TMPRSS6: variants seen among roughly 807,000 people sequenced by gnomAD.
TMPRSS6 encodes the protein transmembrane protease serine 6.
Under a neutral mutation model 101.5 loss-of-function variants are expected in TMPRSS6, and 67 were observed. The ratio of observed to expected loss-of-function variants is 0.66; its 90% confidence interval spans 0.54 to 0.81. The LOEUF (loss-of-function observed/expected upper bound fraction) is 0.81. Ranked by LOEUF, TMPRSS6 falls within the 30% of genes least tolerant of loss-of-function variation. TMPRSS6 has a pLI of 0.00. For missense variants in TMPRSS6, 1,034 were observed against 1,088.7 expected (o/e 0.95, Z 0.71); for synonymous variants, 453 against 464.9 (o/e 0.97, Z 0.33).
rs1324002016 is a variant in TMPRSS6, at chr22:37,098,623, C to T, written c.203-74G>A. 3 of 1,607,812 alleles carry T rather than the reference C, an allele frequency of 1.9e-6. No individual in the cohort carries two copies. The African/African-American group carries it at 4.0e-5, about 21-fold the overall frequency. ...GTCTCCTGTCTCTTCCATGCCTTCT[C>T]CTGCCACCCACACCCTCAGCTCAGC... On this transcript the variant is annotated intron_variant, in intron 2 of 17. Coordinates refer to ENST00000676104, the MANE Select transcript of TMPRSS6 (RefSeq NM_001374504.1).
At chr22:37,097,552 C>T (rs927730997) in intron 3 of TMPRSS6, among the ~76,000 whole-genome samples, 1 of 152,256 alleles carries the variant, frequency 6.6e-6, no homozygotes. Flanking sequence ...AACTCCCCGG[C>T]ACTTCTGGCC....
intron 10 of TMPRSS6, chr22:37,084,012 G>A (rs1928468430): frequency 1.8e-6 from 1 of 564,550 alleles, no homozygotes; most frequent in East Asian, 2.8e-5. Context: ...AAGAAGATGA[G>A]ACAATTTTGC....
intron 3 of TMPRSS6, among the ~76,000 whole-genome samples, chr22:37,097,013 C>T (rs1384593701): frequency 6.6e-6 from 1 of 152,216 alleles, no homozygotes; most frequent in Non-Finnish European, 1.5e-5. Flanking sequence ...AAACCCCACT[C>T]GGCTCCTGGG....
chr22:37,075,999 G>A (rs1158584582), intron 10 of TMPRSS6, among the ~76,000 whole-genome samples: 2 of 143,454 alleles, frequency 1.4e-5, no homozygotes, highest in Admixed American at 1.4e-4. Flanking sequence ...GAGAAAGAAA[G>A]GAAGAAAGAA....
At chr22:37,089,244 C>T (rs559329371) in intron 7 of TMPRSS6, among the ~76,000 whole-genome samples, 17 of 152,210 alleles carry the variant, frequency 1.1e-4, no homozygotes, top group South Asian at 8.3e-4. Context: ...GATTTAGGAA[C>T]GAGCCCAGAG....
At position 37,065,920 on chromosome 22, in the gene TMPRSS6, C is replaced by T; in HGVS notation, c.*160G>A. 2.2e-6 allele frequency: 2 copies of T among 924,474 alleles called. No homozygotes were observed. The highest frequency in any genetic ancestry group is 2.2e-5 in the Admixed American group (1 of 45,816). The allele number at this position is 924,474 out of a possible 1,614,324, so 57.3% of individuals were successfully genotyped here. A position where few individuals can be genotyped will look rare whatever the true frequency, so the allele number is the denominator to read the frequency against. On this transcript the variant is annotated 3_prime_UTR_variant, in exon 18 of 18. Coordinates refer to ENST00000676104, the MANE Select transcript of TMPRSS6 (RefSeq NM_001374504.1). ...GCACTTCTCCATCCTCCTGCCATCA[C>T]TGGAGCAGACATCAGGGACGAGACA...
intron 13 of TMPRSS6, among the ~76,000 whole-genome samples, 187 bp from the exon 14 acceptor site, chr22:37,071,219 A>G (rs1289432164): frequency 7.2e-6 from 1 of 138,320 alleles, no homozygotes; most frequent in Non-Finnish European, 1.6e-5. Flanking sequence ...CAGCCCCTCC[A>G]CTCAGACTGG....
At position 37,103,710 on chromosome 22, in the gene TMPRSS6, C is replaced by T. The variant is rs1930531315; in HGVS notation, c.-1-292G>A. On this transcript the variant is annotated intron_variant, in intron 1 of 17. Coordinates refer to ENST00000676104, the MANE Select transcript of TMPRSS6 (RefSeq NM_001374504.1). The surrounding 1 kb of genome is among the most constrained non-coding windows in gnomAD (Gnocchi z 4.4). ...ATGGTCAGAGGACAGACGGAGGTCT[C>T]AGTACCTAAACACCCACCTCCCTAG... 2.2e-6 allele frequency: 2 copies of T among 920,412 alleles called. No homozygotes were observed. Among genetic ancestry groups the T allele is most frequent in the South Asian group, 1.4e-5 (1 of 71,802 alleles). 57.0% of individuals were successfully genotyped at this position (920,412 alleles called of 1,614,324 possible). A position where few individuals can be genotyped will look rare whatever the true frequency, so the allele number is the denominator to read the frequency against.
In TMPRSS6 at chr22:37,098,415, C is replaced by T; in HGVS notation, c.336+1G>A. 1 of 1,613,942 alleles carries T rather than the reference C, an allele frequency of 6.2e-7. No homozygotes were observed. Among genetic ancestry groups the T allele is most frequent in the Non-Finnish European group, 8.5e-7 (1 of 1,179,942 alleles). On this transcript the variant is annotated splice_donor_variant, in intron 3 of 17. Transcript: ENST00000676104. LOFTEE classifies it high-confidence loss of function. Reference sequence around the variant, plus strand: ...CTCTCATCCCCCAGATCCTTTCCTACCATCTTCTGGGCTTTGGCGGTTTCA... The same window carrying T: ...CTCTCATCCCCCAGATCCTTTCCTATCATCTTCTGGGCTTTGGCGGTTTCA...
At chr22:37,109,811 G>T (rs983448378), upstream of TMPRSS6, among the ~76,000 whole-genome samples, 8 of 152,228 alleles carry the variant, frequency 5.3e-5, no homozygotes, top group African/African-American at 9.6e-5. Flanking sequence ...TGGCAGGCAG[G>T]TGCGGGAGAT....
At chr22:37,098,134 G>A (rs920353578) in intron 3 of TMPRSS6, among the ~76,000 whole-genome samples, 2 of 151,998 alleles carry the variant, frequency 1.3e-5, no homozygotes, top group Admixed American at 6.5e-5. Flanking sequence ...GGGCAGGAGC[G>A]GGCCCTCAAT....
intron 15 of TMPRSS6, among the ~76,000 whole-genome samples, chr22:37,070,081 C>G (rs547764342): frequency 6.6e-6 from 1 of 152,096 alleles, no homozygotes; most frequent in Non-Finnish European, 1.5e-5. Context: ...CCCCTGGGGG[C>G]TCCCCAGCCC....
At chr22:37,086,930 G>A (rs936022548) in intron 7 of TMPRSS6, among the ~76,000 whole-genome samples, 9 of 152,166 alleles carry the variant, frequency 5.9e-5, no homozygotes, top group Admixed American at 3.9e-4. Context: ...TGGGAGGCTC[G>A]GAACAAATAA....
Position 37,095,539 on chromosome 22 carries a change from A to G in TMPRSS6, c.631+12T>C, listed in dbSNP as rs1929666601. The G allele has an allele frequency of 6.2e-7, 1 of 1,613,288 alleles. No homozygotes were observed. Among genetic ancestry groups the G allele is most frequent in the Non-Finnish European group, 8.5e-7 (1 of 1,179,878 alleles). Reference sequence around the variant, plus strand: ...AAAAGGAAAATGGGGAGGGGAAAAAAAAATAGCGTACCCAGCGTGGAATTC... The same window carrying G: ...AAAAGGAAAATGGGGAGGGGAAAAAGAAATAGCGTACCCAGCGTGGAATTC... On this transcript the variant is annotated intron_variant, in intron 6 of 17. Coordinates refer to ENST00000676104, the MANE Select transcript of TMPRSS6 (RefSeq NM_001374504.1).
intron 1 of TMPRSS6, among the ~76,000 whole-genome samples, chr22:37,108,015 A>C (rs1190925147): frequency 6.6e-6 from 1 of 152,192 alleles, no homozygotes; most frequent in Non-Finnish European, 1.5e-5. Flanking sequence ...TCCCTACAGA[A>C]GTCCAAGGTG....
At chr22:37,072,641 CGGATGGAT>C (rs1927175582) in intron 13 of TMPRSS6, among the ~76,000 whole-genome samples, 1 of 42,246 alleles carries the variant, frequency 2.4e-5, no homozygotes, top group Non-Finnish European at 4.6e-5. Context: ...GGATGATGGA[CGGATGGAT>C]GATGGATGGA....
intron 14 of TMPRSS6, 45 bp downstream of exon 14, chr22:37,070,871 C>A (rs200558667): frequency 4.4e-6 from 7 of 1,577,904 alleles, no homozygotes; most frequent in Admixed American, 1.7e-5. Flanking sequence ...GTGGGCACCC[C>A]CTCCCTCCCA....
In TMPRSS6 at chr22:37,073,072, T is replaced by C. The variant is rs548953755; in HGVS notation, c.1555+460A>G. Among the ~76,000 whole-genome samples, 8 of 130,744 alleles carry C rather than the reference T, an allele frequency of 6.1e-5. No homozygotes were observed. In the East Asian group the frequency reaches 2.0e-3, roughly 33 times the overall value. 85.8% of individuals were successfully genotyped at this position (130,744 alleles called of 152,430 possible). A position where few individuals can be genotyped will look rare whatever the true frequency, so the allele number is the denominator to read the frequency against. ...GGTGGATGGATGGATGATGGATGGA[T>C]GGATGGATGGATAGACGGATGATGG... is the stretch of plus-strand genomic sequence containing the variant. On this transcript the variant is annotated intron_variant, in intron 13 of 17. Transcript: ENST00000676104.
At position 37,069,325 on chromosome 22, in the gene TMPRSS6, A is replaced by C; in HGVS notation, c.1861T>G (p.Trp621Gly). 8.9e-7 allele frequency: 1 copy of C among 1,120,474 alleles called. No homozygotes were observed. The highest frequency in any genetic ancestry group is 1.2e-6 in the Non-Finnish European group (1 of 821,846). The allele number at this position is 1,120,474 out of a possible 1,614,324, so 69.4% of individuals were successfully genotyped here. ...CACACCTTGCCCAGGAACACGGTCC[A>C]CAGCACCGTGGAGGCCATGCTGGGG... ...QEDSMASTVL[W>G]TVFLGKVWQN... Residue 621 changes from tryptophan (W) to glycine (G), a missense_variant, in exon 16 of 18, where the codon TGG becomes GGG. By Grantham distance (184) the Trp-to-Gly change is radical. Coordinates refer to ENST00000676104, the MANE Select transcript of TMPRSS6 (RefSeq NM_001374504.1). This position sits in a 1 kb window ranked among gnomAD's most constrained non-coding sequence, Gnocchi z 4.8.
Sources: allele counts gnomAD v4.1 joint callset (sites outside exome capture counted in the v4.1 genomes callset), GRCh38; gene constraint gnomAD v4.1.1; non-coding constraint Gnocchi (gnomAD v3.1); transcripts MANE v1.5; gene names NCBI Gene and HGNC (gene_info 2026-07-23, HGNC 2026-07-21).